PIP5KL1: variants seen among roughly 807,000 people sequenced by gnomAD.
PIP5KL1 encodes the protein phosphatidylinositol 4-phosphate 5-kinase-like protein 1.
Under a neutral mutation model 47.6 loss-of-function variants are expected in PIP5KL1, and 45 were observed. That is an observed-to-expected ratio of 0.94 (90% confidence interval 0.74 to 1.21). The LOEUF is 1.21. Ranked by LOEUF, PIP5KL1 falls within the 50% of genes most tolerant of loss-of-function variation. The pLI is 0.00. For missense variants in PIP5KL1, 577 were observed against 547.6 expected, an observed-to-expected ratio of 1.05 and a Z score of -0.54; for synonymous variants, 256 against 234.6, an observed-to-expected ratio of 1.09 and a Z score of -0.84.
In PIP5KL1 at chr9:127,925,261, C is replaced by T. The variant is rs915993579; in HGVS notation, c.764-1G>A. On this transcript the variant is annotated splice_acceptor_variant, in intron 8 of 9. Coordinates refer to ENST00000388747, the MANE Select transcript of PIP5KL1 (RefSeq NM_001135219.2). LOFTEE classifies it high-confidence loss of function. ...CGGAGGAACCAGCTCCGCTGGGGCC[C>T]TGCCGGAGCATCAGTGCCCCCACCT... The T allele has an allele frequency of 6.2e-7, 1 of 1,611,674 alleles. No homozygotes were observed. The highest frequency in any genetic ancestry group is 1.3e-5 in the African/African-American group (1 of 74,940).
chr9:127,925,893 T>G lies in PIP5KL1; in HGVS notation c.737A>C (p.Asn246Thr). The G allele has an allele frequency of 1.2e-6, 2 of 1,614,114 alleles. No individual in the cohort carries two copies. The highest frequency in any genetic ancestry group is 1.7e-6 in the Non-Finnish European group (2 of 1,180,016). The change falls in exon 8 of 10, where the codon AAC becomes ACC. Residue 246 changes from asparagine (N) to threonine (T), a missense_variant. Asn to Thr is a moderately conservative substitution (Grantham distance 65). Transcript: ENST00000388747. ...CAGGTTGATGGTCTTGCCCTGAAAG[T>G]TGAGGTCCTTCAGCACCAGAACAAG... is the stretch of plus-strand genomic sequence containing the variant. ...SPLVLVLKDL[N>T]FQGKTINLGP...
In PIP5KL1 at chr9:127,922,118, G is replaced by T. The variant is rs145022658; in HGVS notation, c.918-4C>A. On this transcript the variant is annotated splice_polypyrimidine_tract_variant and splice_region_variant and intron_variant, in intron 9 of 9. Coordinates refer to ENST00000388747, the MANE Select transcript of PIP5KL1 (RefSeq NM_001135219.2). ...GCTCTGTGCCCCTTGCACAGACCTG[G>T]GGGCCGACAGGAGGGTGAAGCTGCC... 6 of 1,490,426 alleles carry T rather than the reference G, an allele frequency of 4.0e-6. No individual in the cohort carries two copies. The highest frequency in any genetic ancestry group is 8.9e-7 in the Non-Finnish European group (1 of 1,117,968). The allele number at this position is 1,490,426 out of a possible 1,614,324, so 92.3% of individuals were successfully genotyped here.
intron 9 of PIP5KL1, among the ~76,000 whole-genome samples, chr9:127,923,987 G>T (rs1831324502): frequency 6.7e-6 from 1 of 149,514 alleles, no homozygotes; most frequent in Admixed American, 6.6e-5. Context: ...CCACTACTGA[G>T]ATGAAGACAG....
intron 9 of PIP5KL1, 23 bp from the exon 10 acceptor site, chr9:127,922,137 A>C: frequency 6.8e-7 from 1 of 1,462,844 alleles, no homozygotes; most frequent in South Asian, 1.4e-5. Context: ...AGGAGGGTGA[A>C]GCTGCCAGCT....
In PIP5KL1 at chr9:127,929,688, C is replaced by A. The variant is rs781414421; in HGVS notation, c.228G>T (p.Thr76=). The change falls in exon 2 of 10, where the codon ACG becomes ACT. Residue 76 remains threonine, a splice_region_variant and synonymous_variant. Transcript: ENST00000388747. This position sits in a 1 kb window ranked among gnomAD's most constrained non-coding sequence, Gnocchi z 4.0. Reference sequence around the variant, plus strand: ...TTCGTGGGACAGATGGGCCACTCACCGTGGGTGGGTGGTCCATGGAGACCT... The same window carrying A: ...TTCGTGGGACAGATGGGCCACTCACAGTGGGTGGGTGGTCCATGGAGACCT... The part of the protein sequence containing the change: ...ATQVSMDHPP[T]GPPSRDDFSE... The A allele has an allele frequency of 1.9e-6, 3 of 1,557,548 alleles. No individual in the cohort carries two copies. The highest frequency in any genetic ancestry group is 2.6e-6 in the Non-Finnish European group (3 of 1,145,970).
chr9:127,924,890 A>G (rs1588683606), intron 9 of PIP5KL1, among the ~76,000 whole-genome samples: 1 of 151,868 alleles, frequency 6.6e-6, no homozygotes, highest in East Asian at 1.9e-4. Context: ...ACACACACGC[A>G]CACATGCACA....
chr9:127,927,556 G>T lies in PIP5KL1; in HGVS notation c.559+92C>A. 4.5e-6 allele frequency: 4 copies of T among 879,330 alleles called. No homozygotes were observed. Among genetic ancestry groups the T allele is most frequent in the Non-Finnish European group, 5.2e-6 (4 of 763,566 alleles). 54.5% of individuals were successfully genotyped at this position (879,330 alleles called of 1,614,324 possible). ...CCCCATGCCCTACAACCCCAAATCC[G>T]CCCATTTGGGCCCCGCCCACATACC... On this transcript the variant is annotated intron_variant, in intron 5 of 9. Transcript: ENST00000388747. This position sits in a 1 kb window ranked among gnomAD's most constrained non-coding sequence, Gnocchi z 5.5.
At position 127,929,220 on chromosome 9, in the gene PIP5KL1, C is replaced by T. The variant is rs1049437926; in HGVS notation, c.228+468G>A. ...CCCACTGCGCACACATGCACACACA[C>T]GAACACCACACACATGCTCACCCAG... On this transcript the variant is annotated intron_variant, in intron 2 of 9. Transcript: ENST00000388747. This position sits in a 1 kb window ranked among gnomAD's most constrained non-coding sequence, Gnocchi z 4.0. 1.6e-4 allele frequency among the ~76,000 whole-genome samples: 24 copies of T among 152,182 alleles called. No homozygotes were observed. The highest frequency in any genetic ancestry group is 3.9e-4 in the Admixed American group (6 of 15,284).
intron 8 of PIP5KL1, chr9:127,925,627 G>T: frequency 1.9e-6 from 1 of 529,884 alleles, no homozygotes; most frequent in South Asian, 2.0e-5. Flanking sequence ...CACCACGCCT[G>T]GCTAATTTGT....
Position 127,927,769 on chromosome 9 carries a change from G to C in PIP5KL1, c.438C>G (p.His146Gln). ...GGGTCTTCAGGAAGAAGCGCTGGTCGTGGCTGGGGGGCAAGAGAAAGAGGT... is the reference window on the plus strand; with the variant it reads ...GGGTCTTCAGGAAGAAGCGCTGGTCCTGGCTGGGGGGCAAGAGAAAGAGGT... Reference protein sequence around the residue: ...SKSKASFFLSHDQRFFLKTQG... With the variant: ...SKSKASFFLSQDQRFFLKTQG... The change falls in exon 5 of 10, where the codon CAC becomes CAG. Residue 146 changes from histidine (H) to glutamine (Q), a missense_variant. Transcript: ENST00000388747. This position sits in a 1 kb window ranked among gnomAD's most constrained non-coding sequence, Gnocchi z 5.5. 11 of 1,561,492 alleles carry C rather than the reference G, an allele frequency of 7.0e-6. No homozygotes were observed. The highest frequency in any genetic ancestry group is 9.5e-6 in the Non-Finnish European group (11 of 1,154,078).
chr9:127,925,213 A>G lies in PIP5KL1; in HGVS notation c.811T>C (p.Phe271Leu). Residue 271 changes from phenylalanine to leucine, a missense_variant, in exon 9 of 10, where the codon TTC becomes CTC. Phe to Leu is a conservative substitution (Grantham distance 22). Transcript: ENST00000388747. The stretch of plus-strand genomic sequence containing the variant: ...TCCAGCACGTTGAGCTCCCGGAGGA[A>G]GGTGGTATCCAGTTCCATCTGGCGG... ...FLRQMELDTTFLRELNVLDYS... is the reference protein window; with the variant it reads ...FLRQMELDTTLLRELNVLDYS... The G allele has an allele frequency of 6.2e-7, 1 of 1,613,976 alleles. No individual in the cohort carries two copies.
rs1474760246 is a variant in PIP5KL1 at position 127,925,968 on chromosome 9, T to C, written c.662A>G (p.Lys221Arg). ...CACCCAGCGGCTCACCTCGCAGCCTTTGATGTCATACCTGGGTGGGGGGAC... is the reference window on the plus strand; with the variant it reads ...CACCCAGCGGCTCACCTCGCAGCCTCTGATGTCATACCTGGGTGGGGGGAC... ...AGRISERYDI[K>R]GCEVSRWVDP... The change falls in exon 8 of 10, where the codon AAA becomes AGA. Residue 221 changes from lysine (K) to arginine (R), a missense_variant. Physicochemically the swap from Lys to Arg is conservative, Grantham distance 26. Coordinates refer to ENST00000388747, the MANE Select transcript of PIP5KL1 (RefSeq NM_001135219.2). 8.1e-6 allele frequency: 13 copies of C among 1,612,464 alleles called. No homozygotes were observed. The highest frequency in any genetic ancestry group is 1.1e-5 in the Non-Finnish European group (13 of 1,179,008).
Position 127,928,047 on chromosome 9 carries a change from C to A in PIP5KL1, c.434+18G>T, listed in dbSNP as rs1179103737. ...GGGTACCACTCCCACCCCTGCCCCA[C>A]CCCTGCCGCAAGCTCACGACAGGAA... On this transcript the variant is annotated intron_variant, in intron 4 of 9. Coordinates refer to ENST00000388747, the MANE Select transcript of PIP5KL1 (RefSeq NM_001135219.2). 2 of 1,534,432 alleles carry A rather than the reference C, an allele frequency of 1.3e-6. No homozygotes were observed. Among genetic ancestry groups the A allele is most frequent in the African/African-American group, 1.4e-5 (1 of 72,772 alleles).
In PIP5KL1 at chr9:127,927,075, G is replaced by T; in HGVS notation, c.650+78C>A. ...CTCCTTCCTGGGCCTCGGTTTCACC[G>T]TCTGGCTAGTGAGTGTGGGTGCTTC... On this transcript the variant is annotated intron_variant, in intron 7 of 9. Coordinates refer to ENST00000388747, the MANE Select transcript of PIP5KL1 (RefSeq NM_001135219.2). The surrounding 1 kb of genome is among the most constrained non-coding windows in gnomAD (Gnocchi z 5.5). 4.2e-6 allele frequency: 6 copies of T among 1,445,024 alleles called. No homozygotes were observed. The South Asian group carries it at 6.7e-5, about 16-fold the overall frequency. The allele number at this position is 1,445,024 out of a possible 1,614,324, so 89.5% of individuals were successfully genotyped here.
chr9:127,921,747 C>T lies in PIP5KL1; in HGVS notation c.*100G>A. ...GTTAGGGGATGCTGCCCTCTGGCGACCATCAGGAGGAAGCGCAGGCGAGAT... is the reference window on the plus strand; with the variant it reads ...GTTAGGGGATGCTGCCCTCTGGCGATCATCAGGAGGAAGCGCAGGCGAGAT... On this transcript the variant is annotated 3_prime_UTR_variant, in exon 10 of 10. Transcript: ENST00000388747. 1.4e-6 allele frequency: 2 copies of T among 1,425,134 alleles called. No individual in the cohort carries two copies. The highest frequency in any genetic ancestry group is 1.9e-6 in the Non-Finnish European group (2 of 1,078,052). The allele number at this position is 1,425,134 out of a possible 1,614,324, so 88.3% of individuals were successfully genotyped here. A position where few individuals can be genotyped will look rare whatever the true frequency, so the allele number is the denominator to read the frequency against.
chr9:127,921,790 C>A lies in PIP5KL1; in HGVS notation c.*57G>T. 1 of 1,506,072 alleles carries A rather than the reference C, an allele frequency of 6.6e-7. No individual in the cohort carries two copies. The highest frequency in any genetic ancestry group is 2.1e-5 in the Admixed American group (1 of 47,750). 93.3% of individuals were successfully genotyped at this position (1,506,072 alleles called of 1,614,324 possible). A position where few individuals can be genotyped will look rare whatever the true frequency, so the allele number is the denominator to read the frequency against. ...GGCGAGATGCCCGGGCCCGGGGGAA[C>A]CGGCGTTCCTGGCGTGAGCCCATCG... On this transcript the variant is annotated 3_prime_UTR_variant, in exon 10 of 10. Transcript: ENST00000388747.
intron 8 of PIP5KL1, 68 bp from the exon 9 acceptor site, chr9:127,925,328 G>GC: frequency 6.5e-7 from 1 of 1,550,060 alleles, no homozygotes; most frequent in Non-Finnish European, 8.7e-7. Flanking sequence ...CACACACTCT[G>GC]CCCCGTGACA....
Position 127,927,900 on chromosome 9 carries a change from C to T in PIP5KL1, c.435-128G>A. On this transcript the variant is annotated intron_variant, in intron 4 of 9. Coordinates refer to ENST00000388747, the MANE Select transcript of PIP5KL1 (RefSeq NM_001135219.2). The surrounding 1 kb of genome is among the most constrained non-coding windows in gnomAD (Gnocchi z 5.5). ...GGCACCGCCTCTCTCGCCTTCGGCC[C>T]TCGCCCTCCTCTCCTCCCCGATCTG... 6.8e-7 allele frequency: 1 copy of T among 1,477,526 alleles called. No individual in the cohort carries two copies. The highest frequency in any genetic ancestry group is 9.0e-7 in the Non-Finnish European group (1 of 1,110,916). The allele number at this position is 1,477,526 out of a possible 1,614,324, so 91.5% of individuals were successfully genotyped here. A position where few individuals can be genotyped will look rare whatever the true frequency, so the allele number is the denominator to read the frequency against.
chr9:127,930,619 T>G (rs2131642838), intron 1 of PIP5KL1, 104 bp downstream of exon 1: 1 of 1,347,804 alleles, frequency 7.4e-7, no homozygotes, highest in East Asian at 3.1e-5. Context: ...GCAGGGCCCC[T>G]CCCAGGCTTG....
Sources: allele counts gnomAD v4.1 joint callset (sites outside exome capture counted in the v4.1 genomes callset), GRCh38; gene constraint gnomAD v4.1.1; non-coding constraint Gnocchi (gnomAD v3.1); transcripts MANE v1.5; gene names NCBI Gene and HGNC (gene_info 2026-07-23, HGNC 2026-07-21).